The following LUC7L2 variants were observed in gnomAD, a reference collection of about 807,000 sequenced individuals.
LUC7L2 encodes LUC7 like 2, pre-mRNA splicing factor.
A neutral mutation model predicts 52.8 loss-of-function variants in LUC7L2; 25 were observed. That is an observed-to-expected ratio of 0.47 (90% confidence interval 0.34 to 0.66). LUC7L2 has a LOEUF of 0.66. Ranked by LOEUF, LUC7L2 falls within the 30% of genes least tolerant of loss-of-function variation. LUC7L2 has a pLI of 0.01. For missense variants in LUC7L2, 328 were observed against 497.8 expected (o/e 0.66, Z 3.25); for synonymous variants, 144 against 160.9 (o/e 0.89, Z 0.80).
At chr7:139,414,132 C>T (rs1315432483) in intron 8 of LUC7L2, among the ~76,000 whole-genome samples, 1 of 152,082 alleles carries the variant, frequency 6.6e-6, no homozygotes, top group Non-Finnish European at 1.5e-5. Context: ...TGTGCTTGCC[C>T]ACCCCCCTTC....
chr7:139,380,469 A>G (rs6953963), intron 2 of LUC7L2, among the ~76,000 whole-genome samples: 58,444 of 151,644 alleles, frequency 0.39, 15,727 homozygotes, highest in African/African-American at 0.77. Context: ...GCATGGTGGC[A>G]GGTGCCTGTG....
At chr7:139,374,990 T>C (rs140825163) in intron 1 of LUC7L2, 3 of 985,692 alleles carry the variant, frequency 3.0e-6, no homozygotes, top group African/African-American at 3.5e-5. Context: ...TTGGCACCAA[T>C]AGTTCTTGCT....
At chr7:139,407,061 C>A in intron 5 of LUC7L2, 113 bp from the exon 6 acceptor site, 1 of 1,124,292 alleles carries the variant, frequency 8.9e-7, no homozygotes, top group South Asian at 3.7e-5. Flanking sequence ...CGTGCCCAGC[C>A]ACTTTTGTGT....
At position 139,360,251 on chromosome 7, in the gene LUC7L2, A is replaced by G. The variant is rs1799796104; in HGVS notation, c.-11A>G. On this transcript the variant is annotated 5_prime_UTR_variant, in exon 1 of 10. Coordinates refer to ENST00000354926, the MANE Select transcript of LUC7L2 (RefSeq NM_016019.5). ...CCCCACCCCCGCCCGTCCGCCCGCT[A>G]CGCCGCCGCCATGTCGGCGCAGGCC... The G allele has an allele frequency of 3.2e-6, 5 of 1,549,338 alleles. No individual in the cohort carries two copies. The highest frequency in any genetic ancestry group is 4.4e-6 in the Non-Finnish European group (5 of 1,148,050).
At chr7:139,415,063 T>TTTTTTTTG (rs1795530893) in intron 8 of LUC7L2, among the ~76,000 whole-genome samples, 1 of 144,128 alleles carries the variant, frequency 6.9e-6, no homozygotes, top group African/African-American at 2.5e-5. Flanking sequence ...AGTTTTTTTT[T>TTTTTTTTG]TTTTTTTTTT....
At chr7:139,402,027 C>G (rs577718456) in intron 3 of LUC7L2, 110 bp from the exon 4 acceptor site, 3 of 1,190,228 alleles carry the variant, frequency 2.5e-6, no homozygotes, top group Non-Finnish European at 3.4e-6. Context: ...CGTGAGCCAC[C>G]GTGCCCCACC....
chr7:139,414,840 G>T (rs911482748), intron 8 of LUC7L2, among the ~76,000 whole-genome samples: 6 of 142,446 alleles, frequency 4.2e-5, no homozygotes, highest in African/African-American at 1.8e-4. Flanking sequence ...TGCTTATTCC[G>T]TATAAATATT....
At chr7:139,351,427 C>G (rs1178472818) in intron 1 of LUC7L2, among the ~76,000 whole-genome samples, 1 of 152,160 alleles carries the variant, frequency 6.6e-6, no homozygotes, top group Non-Finnish European at 1.5e-5. Flanking sequence ...CTAATAAGCC[C>G]TTCAATTTTT....
intron 2 of LUC7L2, among the ~76,000 whole-genome samples, chr7:139,383,235 C>T (rs564693529): frequency 2.6e-5 from 4 of 152,128 alleles, no homozygotes; most frequent in Non-Finnish European, 4.4e-5. Context: ...CCCACCTCAG[C>T]CTCCCAAGTA....
rs779013466 is a variant in LUC7L2, at chr7:139,407,000, G to GT, written c.511-174_511-173insT. ...CATAACAAAATAGCCATGCTTTTGT[G>GT]GTTTTTTTTTTTTTTTTTTTTTGAG... On this transcript the variant is annotated intron_variant, in intron 5 of 9. Coordinates refer to ENST00000354926, the MANE Select transcript of LUC7L2 (RefSeq NM_016019.5). Among the ~76,000 whole-genome samples the GT allele has an allele frequency of 1.7e-4, 19 of 111,624 alleles. 1 individual carries two copies. The highest frequency in any genetic ancestry group is 8.3e-4 in the South Asian group (3 of 3,612). The allele number at this position is 111,624 out of a possible 152,430, so 73.2% of individuals were successfully genotyped here. A position where few individuals can be genotyped will look rare whatever the true frequency, so the allele number is the denominator to read the frequency against.
chr7:139,344,203 T>C (rs1375876437), intron 1 of LUC7L2, among the ~76,000 whole-genome samples: 1 of 152,044 alleles, frequency 6.6e-6, no homozygotes, highest in Non-Finnish European at 1.5e-5. Context: ...AAGTCATGAG[T>C]CCAGAGTTTT....
At chr7:139,340,650 C>G (rs1267348816) in intron 1 of LUC7L2, 1 of 396,288 alleles carries the variant, frequency 2.5e-6, no homozygotes, top group East Asian at 3.6e-5. Flanking sequence ...CGATGACGTA[C>G]CAAAGAGGAA....
intron 1 of LUC7L2, among the ~76,000 whole-genome samples, chr7:139,363,976 C>CTTTTTTTTTTGTTTTTTT (rs1800009342): frequency 1.0e-5 from 1 of 96,080 alleles, no homozygotes; most frequent in Non-Finnish European, 1.9e-5. Context: ...AGATTACATC[C>CTTTTTTTTTTGTTTTTTT]TTTTTTTTTT....
At chr7:139,396,359 G>A (rs1284670654) in intron 2 of LUC7L2, among the ~76,000 whole-genome samples, 3 of 152,022 alleles carry the variant, frequency 2.0e-5, no homozygotes, top group Non-Finnish European at 2.9e-5. Context: ...TGGGAGGATC[G>A]CTTGAGCTGG....
In LUC7L2 at chr7:139,367,352, A is replaced by G. The variant is rs560248048; in HGVS notation, c.61+7030A>G. On this transcript the variant is annotated intron_variant, in intron 1 of 9. Coordinates refer to ENST00000354926, the MANE Select transcript of LUC7L2 (RefSeq NM_016019.5). ...ACTCACTTTCTAAAAATTTTAAGTT[A>G]ATTTTAAAATGAAAGTTTATACCAC... 7.2e-5 allele frequency among the ~76,000 whole-genome samples: 11 copies of G among 152,304 alleles called. No homozygotes were observed. The South Asian group carries it at 2.3e-3, about 32-fold the overall frequency.
In LUC7L2 at chr7:139,360,076, C is replaced by T. The variant is rs1799783105; in HGVS notation, c.-186C>T. ...CGGGGGCTGTCGTCTTCCACGTACA[C>T]GTCGTCGTGAGGAGCGCAGTCCGGA... On this transcript the variant is annotated 5_prime_UTR_variant, in exon 1 of 10. In the 5' UTR this introduces an upstream ATG that the reference lacks. Transcript: ENST00000354926. 3 of 555,006 alleles carry T rather than the reference C, an allele frequency of 5.4e-6. No individual in the cohort carries two copies. The East Asian group carries it at 1.0e-4, about 19-fold the overall frequency. 34.4% of individuals were successfully genotyped at this position (555,006 alleles called of 1,614,324 possible).
rs1011483842 is a variant in LUC7L2 at position 139,390,622 on chromosome 7, C to T, written c.157-7977C>T. 2.0e-5 allele frequency among the ~76,000 whole-genome samples: 3 copies of T among 147,634 alleles called. No homozygotes were observed. The Admixed American group carries it at 2.0e-4, about 10-fold the overall frequency. The stretch of plus-strand genomic sequence containing the variant: ...CCAGGCTGGAGTGCAGTGGCACGAT[C>T]TCGGCTCACTGCAAGCTCCACCTCC... On this transcript the variant is annotated intron_variant, in intron 2 of 9. Transcript: ENST00000354926.
At position 139,414,786 on chromosome 7, in the gene LUC7L2, C is replaced by G. The variant is rs1002970282; in HGVS notation, c.809+2206C>G. Among the ~76,000 whole-genome samples, 4 of 152,232 alleles carry G rather than the reference C, an allele frequency of 2.6e-5. No homozygotes were observed. The East Asian group carries it at 7.7e-4, about 29-fold the overall frequency. On this transcript the variant is annotated intron_variant, in intron 8 of 9. Transcript: ENST00000354926. ...GACTGATTCACTTGTTCCCTTTCTT[C>G]TTTCAGCTTTGCTTCAGTGCCAACC...
rs1585138181 is a variant in LUC7L2, at chr7:139,417,577, C to T, written c.849C>T (p.Ser283=). 3.1e-6 allele frequency: 5 copies of T among 1,614,012 alleles called. No individual in the cohort carries two copies. The highest frequency in any genetic ancestry group is 2.7e-5 in the African/African-American group (2 of 74,922). Residue 283 remains serine, a synonymous_variant, in exon 9 of 10, where the codon TCC becomes TCT. Coordinates refer to ENST00000354926, the MANE Select transcript of LUC7L2 (RefSeq NM_016019.5). ...SREHRRHRSR[S]MSRERKRRTR... The stretch of plus-strand genomic sequence containing the variant: ...AGCATCGCAGACATCGATCTCGCTC[C>T]ATGTCACGTGAACGCAAGAGGAGAA...
Sources: allele counts gnomAD v4.1 joint callset (sites outside exome capture counted in the v4.1 genomes callset), GRCh38; gene constraint gnomAD v4.1.1; transcripts MANE v1.5; gene names NCBI Gene and HGNC (gene_info 2026-07-23, HGNC 2026-07-21).